The following NRDE2 variants were observed in gnomAD, a reference collection of about 807,000 sequenced individuals.
The protein encoded by NRDE2 is nuclear exosome regulator NRDE2.
Under a neutral mutation model 124.2 loss-of-function variants are expected in NRDE2, and 76 were observed. The observed-to-expected ratio is 0.61, with a 90% confidence interval of 0.51 to 0.74. The LOEUF (loss-of-function observed/expected upper bound fraction) is 0.74. Among genes scored for constraint, NRDE2 ranks in the 30% least tolerant of loss-of-function variants. The pLI is 0.00. For synonymous variants in NRDE2, 489 were observed against 528.1 expected (o/e 0.93, Z 1.01); for missense variants, 1,314 against 1,417.3 (o/e 0.93, Z 1.17).
chr14:90,321,734 T>C (rs1184298914), intron 1 of NRDE2, among the ~76,000 whole-genome samples: 1 of 152,112 alleles, frequency 6.6e-6, no homozygotes, highest in African/African-American at 2.4e-5. Context: ...GCAGTGCACA[T>C]GCAGGGAATA....
chr14:90,315,517 A>G (rs1228632744), intron 3 of NRDE2, among the ~76,000 whole-genome samples: 1 of 152,202 alleles, frequency 6.6e-6, no homozygotes, highest in African/African-American at 2.4e-5. Flanking sequence ...GCAATAATTC[A>G]GGTAGTTTCA....
chr14:90,270,068 T>G lies in NRDE2; in HGVS notation c.*8268A>C, dbSNP rs1891622321. On this transcript the variant is annotated 3_prime_UTR_variant, in exon 14 of 14. Coordinates refer to ENST00000354366, the MANE Select transcript of NRDE2 (RefSeq NM_017970.4). ...AAAATATATGTTTACTTTTTAAAAT[T>G]TAGACATCCTTCCCACAGAATTCTG... 9 of 938,908 alleles carry G rather than the reference T, an allele frequency of 9.6e-6. No individual in the cohort carries two copies. The highest frequency in any genetic ancestry group is 2.7e-5 in the Admixed American group (1 of 36,532). The allele number at this position is 938,908 out of a possible 1,614,324, so 58.2% of individuals were successfully genotyped here. A position where few individuals can be genotyped will look rare whatever the true frequency, so the allele number is the denominator to read the frequency against.
rs200660282 is a variant in NRDE2, at chr14:90,301,223, G to A, written c.1545+16C>T. On this transcript the variant is annotated intron_variant, in intron 7 of 13. Coordinates refer to ENST00000354366, the MANE Select transcript of NRDE2 (RefSeq NM_017970.4). ...AGAGCCAGGAAGAGAGAGATGAGGC[G>A]AGCAGAGCTGGGTACCTGTCCTTTG... The A allele has an allele frequency of 2.9e-5, 47 of 1,612,522 alleles. No individual in the cohort carries two copies. The highest frequency in any genetic ancestry group is 3.9e-5 in the Non-Finnish European group (46 of 1,179,044).
chr14:90,284,309 C>T (rs1325515038), intron 12 of NRDE2, among the ~76,000 whole-genome samples: 8 of 151,534 alleles, frequency 5.3e-5, no homozygotes, highest in Non-Finnish European at 1.0e-4. Context: ...CAGATATATA[C>T]GTAAGATTTA....
At chr14:90,327,369 G>C (rs1204051279) in intron 1 of NRDE2, among the ~76,000 whole-genome samples, 1 of 152,096 alleles carries the variant, frequency 6.6e-6, no homozygotes, top group Non-Finnish European at 1.5e-5. Flanking sequence ...GACCAATGTA[G>C]CAAGACTCTA....
At chr14:90,297,714 G>A (rs574066092) in intron 8 of NRDE2, among the ~76,000 whole-genome samples, 6 of 152,198 alleles carry the variant, frequency 3.9e-5, no homozygotes, top group South Asian at 4.1e-4. Context: ...CAGGCAGATC[G>A]CTGGAGGTCA....
chr14:90,312,422 T>G lies in NRDE2; in HGVS notation c.529A>C (p.Lys177Gln). The change falls in exon 4 of 14, where the codon AAG becomes CAG. Residue 177 changes from lysine (K) to glutamine (Q), a missense_variant. By Grantham distance (53) the Lys-to-Gln change is moderately conservative. Transcript: ENST00000354366. ...GCTATATCCCCTCGGTAGAGAGACT[T>G]GTACTCCCAGTTCGCAGGATCTGGT... is the stretch of plus-strand genomic sequence containing the variant. The part of the protein sequence containing the change: ...KKPDPANWEY[K>Q]SLYRGDIARY... 2 of 1,613,982 alleles carry G rather than the reference T, an allele frequency of 1.2e-6. No homozygotes were observed. Among genetic ancestry groups the G allele is most frequent in the Non-Finnish European group, 8.5e-7 (1 of 1,179,970 alleles).
At chr14:90,299,921 G>A (rs56694191) in intron 7 of NRDE2, among the ~76,000 whole-genome samples, 3 of 152,148 alleles carry the variant, frequency 2.0e-5, no homozygotes, top group Non-Finnish European at 2.9e-5. Context: ...CTGTGTTCAC[G>A]GTAACAACGT....
intron 4 of NRDE2, among the ~76,000 whole-genome samples, chr14:90,311,327 G>C (rs370509784): frequency 4.6e-5 from 7 of 152,136 alleles, no homozygotes; most frequent in Non-Finnish European, 2.9e-5. Context: ...ATCAGATATG[G>C]TTTGGCTCTG....
At chr14:90,324,804 C>G (rs1196220596) in intron 1 of NRDE2, among the ~76,000 whole-genome samples, 1 of 152,006 alleles carries the variant, frequency 6.6e-6, no homozygotes, top group Non-Finnish European at 1.5e-5. Context: ...TACATTTGAA[C>G]AGCACTAACT....
rs1172429506 is a variant in NRDE2, at chr14:90,290,382, C to T, written c.2068G>A (p.Val690Ile). ...FNPLFSGASC[V>I]GRMDRLGYPR... ...TAGCCCAACCTATCCATGCGGCCAA[C>T]ACAGCTAGCCCCAGAAAACAAAGGG... The change falls in exon 10 of 14, where the codon GTT (valine) becomes ATT (isoleucine). Residue 690 changes from valine (V) to isoleucine (I), a missense_variant. By Grantham distance (29) the Val-to-Ile change is conservative. Coordinates refer to ENST00000354366, the MANE Select transcript of NRDE2 (RefSeq NM_017970.4). 6 of 1,614,034 alleles carry T rather than the reference C, an allele frequency of 3.7e-6. No homozygotes were observed. The highest frequency in any genetic ancestry group is 1.1e-5 in the South Asian group (1 of 91,088).
rs969092956 is a variant in NRDE2 at position 90,276,708 on chromosome 14, C to G, written c.*1628G>C. The G allele has an allele frequency of 6.6e-6, 1 of 152,220 alleles. No homozygotes were observed. The highest frequency in any genetic ancestry group is 2.4e-5 in the African/African-American group (1 of 41,448). The allele number at this position is 152,220 out of a possible 1,614,324, so 9.4% of individuals were successfully genotyped here. On this transcript the variant is annotated 3_prime_UTR_variant, in exon 14 of 14. Transcript: ENST00000354366. ...ACTGCTAAGAGCCATTCCTGGCTCT[C>G]AAGGGACAGGTTGCCACTGGGGTTT... is the stretch of plus-strand genomic sequence containing the variant.
Position 90,272,114 on chromosome 14 carries a change from G to C in NRDE2, c.*6222C>G, listed in dbSNP as rs530341526. ...TCACCGTGTTGGCCAGGCTGGTCTTGAACTCCTGACCTTAGGCGATCCACC... is the reference window on the plus strand; with the variant it reads ...TCACCGTGTTGGCCAGGCTGGTCTTCAACTCCTGACCTTAGGCGATCCACC... On this transcript the variant is annotated 3_prime_UTR_variant, in exon 14 of 14. Transcript: ENST00000354366. This position sits in a 1 kb window ranked among gnomAD's most constrained non-coding sequence, Gnocchi z 4.5. 11 of 631,136 alleles carry C rather than the reference G, an allele frequency of 1.7e-5. No homozygotes were observed. Among genetic ancestry groups the C allele is most frequent in the Non-Finnish European group, 2.9e-5 (11 of 383,380 alleles). The allele number at this position is 631,136 out of a possible 1,614,324, so 39.1% of individuals were successfully genotyped here.
rs148662497 is a variant in NRDE2, at chr14:90,292,815, G to A, written c.1724C>T (p.Pro575Leu). 1.3e-5 allele frequency: 21 copies of A among 1,613,994 alleles called. No individual in the cohort carries two copies. The African/African-American group carries it at 2.5e-4, about 19-fold the overall frequency. ...DDQEIKDKTL[P>L]RWQIWLAAER... The stretch of plus-strand genomic sequence containing the variant: ...AGCAGCAAGCCAGATCTGCCACCTG[G>A]GCAGAGTCTTATCTTTTATTTCCTG... Residue 575 changes from proline (P) to leucine (L), a missense_variant, in exon 9 of 14, where the codon CCC (proline) becomes CTC (leucine). Physicochemically the swap from Pro to Leu is moderately conservative, Grantham distance 98. Transcript: ENST00000354366.
chr14:90,308,421 C>T (rs1884697745), intron 4 of NRDE2, among the ~76,000 whole-genome samples: 1 of 152,162 alleles, frequency 6.6e-6, no homozygotes, highest in African/African-American at 2.4e-5. Flanking sequence ...CCCGGAACTT[C>T]CACTCATTAG....
chr14:90,317,690 A>T (rs1470753256), intron 2 of NRDE2: 1 of 199,190 alleles, frequency 5.0e-6, no homozygotes, highest in African/African-American at 2.3e-5. Flanking sequence ...TTGAAAATGT[A>T]ACTAAAAAAA....
chr14:90,331,694 G>T, intron 1 of NRDE2, 147 bp downstream of exon 1: 1 of 866,230 alleles, frequency 1.2e-6, no homozygotes, highest in Non-Finnish European at 1.8e-6. Context: ...CGGAGGGATT[G>T]AGCCTTTCCC....
Position 90,290,365 on chromosome 14 carries a change from C to A in NRDE2, c.2085G>T (p.Arg695Ser). 1 of 1,614,110 alleles carries A rather than the reference C, an allele frequency of 6.2e-7. No individual in the cohort carries two copies. The highest frequency in any genetic ancestry group is 2.2e-5 in the East Asian group (1 of 44,882). The change falls in exon 10 of 14, where the codon AGG (arginine) becomes AGT (serine). Residue 695 changes from arginine (R) to serine (S), a missense_variant. Arg to Ser is a moderately radical substitution (Grantham distance 110). Coordinates refer to ENST00000354366, the MANE Select transcript of NRDE2 (RefSeq NM_017970.4). Reference sequence around the variant, plus strand: ...CCCTGGTCCAGCGAGGATAGCCCAACCTATCCATGCGGCCAACACAGCTAG... The same window carrying A: ...CCCTGGTCCAGCGAGGATAGCCCAAACTATCCATGCGGCCAACACAGCTAG... ...SGASCVGRMD[R>S]LGYPRWTRGQ...
chr14:90,325,710 A>G (rs531886198), intron 1 of NRDE2, among the ~76,000 whole-genome samples: 1 of 152,230 alleles, frequency 6.6e-6, no homozygotes, highest in Admixed American at 6.5e-5. Context: ...TGTTATTATT[A>G]GAGTCAGGGT....
Sources: allele counts gnomAD v4.1 joint callset (sites outside exome capture counted in the v4.1 genomes callset), GRCh38; gene constraint gnomAD v4.1.1; non-coding constraint Gnocchi (gnomAD v3.1); transcripts MANE v1.5; gene names NCBI Gene and HGNC (gene_info 2026-07-23, HGNC 2026-07-21).